OARD1: variants seen among roughly 807,000 people sequenced by gnomAD.
OARD1 encodes O-acyl-ADP-ribose deacylase 1.
Under a neutral mutation model 19.7 loss-of-function variants are expected in OARD1, and 19 were observed. The ratio of observed to expected loss-of-function variants is 0.96; its 90% CI spans 0.67 to 1.41. The LOEUF is 1.41. Ranked by LOEUF, OARD1 falls within the 40% of genes most tolerant of loss-of-function variation. OARD1 has a pLI of 0.00. For missense variants in OARD1, 190 were observed against 183.8 expected (o/e 1.03, Z -0.20); for synonymous variants, 70 against 61.8 (o/e 1.13, Z -0.62).
Position 41,072,320 on chromosome 6 carries a change from C to G in OARD1, c.-126G>C, listed in dbSNP as rs1763490871. The G allele has an allele frequency of 6.6e-6, 1 of 152,452 alleles. No homozygotes were observed. Among genetic ancestry groups the G allele is most frequent in the Non-Finnish European group, 1.5e-5 (1 of 68,214 alleles). The allele number at this position is 152,452 out of a possible 1,614,324, so 9.4% of individuals were successfully genotyped here. A position where few individuals can be genotyped will look rare whatever the true frequency, so the allele number is the denominator to read the frequency against. On this transcript the variant is annotated 5_prime_UTR_variant, in exon 1 of 6. Transcript: ENST00000424266. The stretch of plus-strand genomic sequence containing the variant: ...GGCTCGCTCAAAGCCCCAACGTACC[C>G]AAGTCACCCTTCACCTGGAAAGGAG...
At chr6:41,084,543 G>A (rs1406375448) in intron 1 of OARD1, among the ~76,000 whole-genome samples, 1 of 152,208 alleles carries the variant, frequency 6.6e-6, no homozygotes, top group African/African-American at 2.4e-5. Flanking sequence ...AATTAATTAA[G>A]TAGAAAACTG....
At chr6:41,091,604 CA>C in intron 1 of OARD1, 1 of 1,614,196 alleles carries the variant, frequency 6.2e-7, no homozygotes, top group Non-Finnish European at 8.5e-7. Context: ...AAACAGGAGC[CA>C]ATACCAACAC....
chr6:41,080,933 G>A, intron 1 of OARD1: 1 of 1,520,758 alleles, frequency 6.6e-7, no homozygotes, highest in Non-Finnish European at 9.1e-7. Context: ...AGCACTGCAT[G>A]AACTTCTCCT....
chr6:41,067,221 C>A lies in OARD1; in HGVS notation c.*114G>T, dbSNP rs1763056841. ...AGCAACCAAAGTCTGTCTTGTTAAA[C>A]ACACTACTTCTCATGAAACTTTCCT... On this transcript the variant is annotated 3_prime_UTR_variant, in exon 6 of 6. Coordinates refer to ENST00000424266, the MANE Select transcript of OARD1 (RefSeq NM_001329686.2). 5.2e-6 allele frequency: 3 copies of A among 576,122 alleles called. No homozygotes were observed. The Admixed American group carries it at 8.8e-5, about 17-fold the overall frequency. The allele number at this position is 576,122 out of a possible 1,614,324, so 35.7% of individuals were successfully genotyped here.
chr6:41,069,174 A>G, intron 4 of OARD1: 1 of 368,450 alleles, frequency 2.7e-6, no homozygotes, highest in Non-Finnish European at 4.8e-6. Context: ...TCTGCCACGT[A>G]GCAATCTTTC....
chr6:41,070,832 G>A (rs953559477), intron 3 of OARD1: 5 of 570,652 alleles, frequency 8.8e-6, no homozygotes, highest in African/African-American at 3.8e-5. Context: ...ATATTGGTAA[G>A]TAAAGGATCT....
upstream of OARD1, chr6:41,075,817 G>GATTC (rs1488631300): frequency 2.0e-5 from 3 of 151,812 alleles, no homozygotes; most frequent in Non-Finnish European, 4.4e-5. Flanking sequence ...TATCTCTTAG[G>GATTC]ATTCCAGTAT....
At chr6:41,091,607 T>C in intron 1 of OARD1, 1 of 1,614,188 alleles carries the variant, frequency 6.2e-7, no homozygotes, top group Non-Finnish European at 8.5e-7. Flanking sequence ...CAGGAGCCAA[T>C]ACCAACACAA....
Position 41,065,649 on chromosome 6 carries a change from T to A in OARD1, c.*1686A>T, listed in dbSNP as rs140057869. On this transcript the variant is annotated 3_prime_UTR_variant, in exon 6 of 6. Transcript: ENST00000424266. ...CCCCTACCCCAACAACATGAAGAACTTGTCTGTTCCACCTAGAAATACAAA... is the reference window on the plus strand; with the variant it reads ...CCCCTACCCCAACAACATGAAGAACATGTCTGTTCCACCTAGAAATACAAA... 5.1e-4 allele frequency: 77 copies of A among 152,344 alleles called. No homozygotes were observed. The highest frequency in any genetic ancestry group is 1.7e-3 in the African/African-American group (72 of 41,596). The allele number at this position is 152,344 out of a possible 1,614,324, so 9.4% of individuals were successfully genotyped here. A position where few individuals can be genotyped will look rare whatever the true frequency, so the allele number is the denominator to read the frequency against.
At chr6:41,072,843 C>A (rs1156517380), upstream of OARD1, 1 of 152,948 alleles carries the variant, frequency 6.5e-6, no homozygotes, top group Non-Finnish European at 1.5e-5. Flanking sequence ...CTTCAGGGAA[C>A]GCCTGCGCGT....
chr6:41,094,522 C>A, intron 1 of OARD1: 2 of 1,577,574 alleles, frequency 1.3e-6, no homozygotes, highest in Non-Finnish European at 1.7e-6. Context: ...ACATTTTATT[C>A]TTCTCTTTAT....
intron 2 of OARD1, 128 bp downstream of exon 2, chr6:41,071,468 T>C: frequency 1.9e-6 from 2 of 1,062,718 alleles, no homozygotes; most frequent in Non-Finnish European, 2.9e-6. Flanking sequence ...TTTTGAGCCT[T>C]TTTAAAGTAA....
chr6:41,090,013 A>C (rs1023578604), intron 1 of OARD1, among the ~76,000 whole-genome samples: 3 of 152,126 alleles, frequency 2.0e-5, no homozygotes, highest in African/African-American at 7.2e-5. Flanking sequence ...CGGGAGGCTG[A>C]GGCAGAGAAT....
intron 3 of OARD1, 119 bp from the exon 4 acceptor site, chr6:41,070,253 A>G: frequency 1.5e-6 from 1 of 668,350 alleles, no homozygotes; most frequent in Non-Finnish European, 2.7e-6. Context: ...AACACTGAAG[A>G]AGGGAATAGG....
At chr6:41,071,455 G>A in intron 2 of OARD1, 141 bp downstream of exon 2, 1 of 999,152 alleles carries the variant, frequency 1.0e-6, no homozygotes, top group Non-Finnish European at 1.5e-6. Context: ...TCCCTGCCTA[G>A]AATTTTGAGC....
intron 1 of OARD1, chr6:41,089,809 G>T: frequency 2.0e-6 from 3 of 1,470,096 alleles, no homozygotes; most frequent in Non-Finnish European, 2.7e-6. Context: ...GTAGAAAAGG[G>T]GATGAAAACC....
chr6:41,082,135 C>G (rs1763927486), intron 1 of OARD1, among the ~76,000 whole-genome samples: 1 of 152,172 alleles, frequency 6.6e-6, no homozygotes, highest in Admixed American at 6.5e-5. Flanking sequence ...TGCTAAGCAT[C>G]CAGCAGATAA....
chr6:41,082,520 A>G (rs1253100400), intron 1 of OARD1, among the ~76,000 whole-genome samples: 1 of 152,188 alleles, frequency 6.6e-6, no homozygotes, highest in Non-Finnish European at 1.5e-5. Context: ...TAGCACATCA[A>G]TTGGGGAGGA....
intron 1 of OARD1, chr6:41,080,667 A>G: frequency 3.4e-6 from 2 of 586,008 alleles, no homozygotes; most frequent in Non-Finnish European, 6.0e-6. Flanking sequence ...ACCTTCAACA[A>G]AACAGCTTCA....
Sources: allele counts gnomAD v4.1 joint callset (sites outside exome capture counted in the v4.1 genomes callset), GRCh38; gene constraint gnomAD v4.1.1; transcripts MANE v1.5; gene names NCBI Gene and HGNC (gene_info 2026-07-23, HGNC 2026-07-21).